The following CRIP2 variants were observed in gnomAD, a reference collection of about 807,000 sequenced individuals.
CRIP2 encodes cysteine rich protein 2, also known as cysteine-rich protein 2.
Under a neutral mutation model 31.3 loss-of-function variants are expected in CRIP2, and 31 were observed. That is an observed-to-expected ratio of 0.99 (90% CI 0.74 to 1.34). The LOEUF (loss-of-function observed/expected upper bound fraction) is 1.34, where lower values mean the gene tolerates loss of function less well. Among genes scored for constraint, CRIP2 ranks in the 40% most tolerant of loss-of-function variants. The pLI, the probability that CRIP2 is intolerant of heterozygous loss-of-function variation, is 0.00. For synonymous variants in CRIP2, 177 were observed against 127.2 expected (o/e 1.39, Z -2.63); for missense variants, 389 against 301.6 (o/e 1.29, Z -2.15).
Position 105,479,438 on chromosome 14 carries a change from C to A in CRIP2, c.504C>A (p.His168Gln). The stretch of plus-strand genomic sequence containing the variant: ...TCAGCACCCACCTTCTGCCCCAGCA[C>A]GACGGCCAGCCCTACTGCCACAAGC... ...KTLTPGGHAE[H>Q]DGQPYCHKPC... The change falls in exon 7 of 8, where the codon CAC becomes CAA. Residue 168 changes from histidine to glutamine, a missense_variant and splice_region_variant. Physicochemically the swap from His to Gln is conservative, Grantham distance 24. Coordinates refer to ENST00000329146, the MANE Select transcript of CRIP2 (RefSeq NM_001312.4). 1 of 1,612,806 alleles carries A rather than the reference C, an allele frequency of 6.2e-7. No individual in the cohort carries two copies. Among genetic ancestry groups the A allele is most frequent in the South Asian group, 1.1e-5 (1 of 91,076 alleles).
intron 1 of CRIP2, among the ~76,000 whole-genome samples, chr14:105,475,157 G>A (rs1015636585): frequency 3.2e-4 from 49 of 152,074 alleles, no homozygotes; most frequent in African/African-American, 1.1e-3. Context: ...CCACCCGGGC[G>A]GGGCTTGTGG....
At position 105,478,230 on chromosome 14, in the gene CRIP2, C is replaced by A; in HGVS notation, c.44-36C>A. ...GGGGCGGAGGGGGTGCGGGGCGCGC[C>A]CCGGCCCTGACCCCCCTGCCGCCCC... On this transcript the variant is annotated intron_variant, in intron 1 of 7. Coordinates refer to ENST00000329146, the MANE Select transcript of CRIP2 (RefSeq NM_001312.4). This position sits in a 1 kb window ranked among gnomAD's most constrained non-coding sequence, Gnocchi z 4.9. 1 of 1,471,506 alleles carries A rather than the reference C, an allele frequency of 6.8e-7. No homozygotes were observed. Among genetic ancestry groups the A allele is most frequent in the Non-Finnish European group, 9.0e-7 (1 of 1,108,456 alleles). The allele number at this position is 1,471,506 out of a possible 1,614,324, so 91.2% of individuals were successfully genotyped here.
Position 105,474,859 on chromosome 14 carries a change from G to A in CRIP2, c.-4G>A, listed in dbSNP as rs182146787. 1.5e-4 allele frequency: 218 copies of A among 1,499,318 alleles called. No homozygotes were observed. Among genetic ancestry groups the A allele is most frequent in the Non-Finnish European group, 1.9e-4 (213 of 1,121,684 alleles). 92.9% of individuals were successfully genotyped at this position (1,499,318 alleles called of 1,614,324 possible). A position where few individuals can be genotyped will look rare whatever the true frequency, so the allele number is the denominator to read the frequency against. The stretch of plus-strand genomic sequence containing the variant: ...AGGGCGCGGGCCGACCGGGCGCACC[G>A]ACCATGGCCTCCAAATGCCCCAAGT... On this transcript the variant is annotated 5_prime_UTR_variant, in exon 1 of 8. Coordinates refer to ENST00000329146, the MANE Select transcript of CRIP2 (RefSeq NM_001312.4). This position sits in a 1 kb window ranked among gnomAD's most constrained non-coding sequence, Gnocchi z 5.1.
rs782666397 is a variant in CRIP2, at chr14:105,479,121, C to G, written c.407-4C>G. 4.3e-6 allele frequency: 7 copies of G among 1,611,318 alleles called. No individual in the cohort carries two copies. The highest frequency in any genetic ancestry group is 8.5e-7 in the Non-Finnish European group (1 of 1,179,314). ...GGCTCGGCCTCACTCCTCCCCCTTT[C>G]CAGCTGAGAAGGTGACGTCTCTGGG... On this transcript the variant is annotated splice_polypyrimidine_tract_variant and splice_region_variant and intron_variant, in intron 5 of 7. Transcript: ENST00000329146.
Position 105,479,279 on chromosome 14 carries a change from G to A in CRIP2, c.501+60G>A. ...AGGGGCGCGGGGTCGGGGGGATGAG[G>A]GTGAGAGGCGCGCCTAGAGGGGATG... On this transcript the variant is annotated intron_variant, in intron 6 of 7. Coordinates refer to ENST00000329146, the MANE Select transcript of CRIP2 (RefSeq NM_001312.4). 1.1e-5 allele frequency: 17 copies of A among 1,530,320 alleles called. No individual in the cohort carries two copies. The South Asian group carries it at 2.0e-4, about 18-fold the overall frequency. The allele number at this position is 1,530,320 out of a possible 1,614,324, so 94.8% of individuals were successfully genotyped here.
In CRIP2 at chr14:105,476,787, T is replaced by TCTA. The variant is rs587704934; in HGVS notation, c.44-1478_44-1476dup. 2.3e-5 allele frequency: 23 copies of TCTA among 984,368 alleles called. 1 individual carries two copies. The East Asian group carries it at 2.5e-3, about 107-fold the overall frequency. 61.0% of individuals were successfully genotyped at this position (984,368 alleles called of 1,614,324 possible). On this transcript the variant is annotated intron_variant, in intron 1 of 7. Transcript: ENST00000329146. ...AGTGGAGTGGTTCTGGTCAGAGGGC[T>TCTA]CTAAGCTGGTGCAGCCTTGTGGTTG...
At position 105,479,007 on chromosome 14, in the gene CRIP2, G is replaced by C; in HGVS notation, c.366G>C (p.Glu122Asp). ...RASSVTTFTGEPNTCPRCSKK... is the reference protein window; with the variant it reads ...RASSVTTFTGDPNTCPRCSKK... Reference sequence around the variant, plus strand: ...CCAGTGTCACCACTTTCACCGGGGAGCCCAACACGTGCCCGCGCTGCAGCA... The same window carrying C: ...CCAGTGTCACCACTTTCACCGGGGACCCCAACACGTGCCCGCGCTGCAGCA... The change falls in exon 5 of 8, where the codon GAG (glutamate) becomes GAC (aspartate). Residue 122 changes from glutamate to aspartate, a missense_variant. Physicochemically the swap from Glu to Asp is conservative, Grantham distance 45. Coordinates refer to ENST00000329146, the MANE Select transcript of CRIP2 (RefSeq NM_001312.4). The C allele has an allele frequency of 6.3e-7, 1 of 1,583,528 alleles. No individual in the cohort carries two copies. Among genetic ancestry groups the C allele is most frequent in the Non-Finnish European group, 8.6e-7 (1 of 1,168,202 alleles).
chr14:105,477,379 A>C (rs2083955336), intron 1 of CRIP2: 2 of 985,022 alleles, frequency 2.0e-6, no homozygotes, highest in South Asian at 9.4e-5. Flanking sequence ...GTTTAGGACG[A>C]GGAATCCACA....
In CRIP2 at chr14:105,476,613, G is replaced by A. The variant is rs587608079; in HGVS notation, c.44-1653G>A. ...AGTTCCCTGCCCCCACTTGGCCCAC[G>A]TCCCAGAGCTGGCCAGAGCACAGTG... On this transcript the variant is annotated intron_variant, in intron 1 of 7. Coordinates refer to ENST00000329146, the MANE Select transcript of CRIP2 (RefSeq NM_001312.4). The A allele has an allele frequency of 4.4e-5, 43 of 985,402 alleles. No individual in the cohort carries two copies. The South Asian group carries it at 1.3e-3, about 29-fold the overall frequency. The allele number at this position is 985,402 out of a possible 1,614,324, so 61.0% of individuals were successfully genotyped here. A position where few individuals can be genotyped will look rare whatever the true frequency, so the allele number is the denominator to read the frequency against.
chr14:105,473,340 G>A (rs1555435137), upstream of CRIP2: 48 of 1,327,674 alleles, frequency 3.6e-5, no homozygotes, highest in Non-Finnish European at 4.7e-5. Flanking sequence ...GGGGGCGGGG[G>A]GCATGTTTCT....
intron 1 of CRIP2, chr14:105,476,911 G>A (rs2083943520): frequency 1.1e-5 from 4 of 359,994 alleles, no homozygotes; most frequent in South Asian, 1.1e-4. Flanking sequence ...AGGCCACCTG[G>A]GGGATCCCAT....
chr14:105,478,483 T>TA lies in CRIP2; in HGVS notation c.173dup (p.Tyr58Ter). The TA allele has an allele frequency of 6.2e-7, 1 of 1,608,944 alleles. No individual in the cohort carries two copies. Among genetic ancestry groups the TA allele is most frequent in the Non-Finnish European group, 8.5e-7 (1 of 1,179,106 alleles). Residue 58 changes from tyrosine to a stop codon, truncating the protein, a stop_gained and frameshift_variant, in exon 3 of 8, where the codon TAC (tyrosine) becomes TAAC (stop). Transcript: ENST00000329146. LOFTEE classifies it high-confidence loss of function. This position sits in a 1 kb window ranked among gnomAD's most constrained non-coding sequence, Gnocchi z 4.9. ...DGKPFCHKPCYATLFGPKGVN... is the reference protein window; with the variant it reads ...DGKPFCHKPC ...GAAGCCGTTCTGCCACAAGCCGTGC[T>TA]ACGCCACCCTGTTCGGACCCAAAGG...
Position 105,474,957 on chromosome 14 carries a change from G to A in CRIP2, c.43+52G>A, listed in dbSNP as rs1555435439. On this transcript the variant is annotated intron_variant, in intron 1 of 7. Coordinates refer to ENST00000329146, the MANE Select transcript of CRIP2 (RefSeq NM_001312.4). The surrounding 1 kb of genome is among the most constrained non-coding windows in gnomAD (Gnocchi z 5.1). ...CTCGGTGCATCCCGCCGCCCTTCGC[G>A]GCCAGTCCCGCGCCGCAGAGCCGCG... 1 of 1,458,658 alleles carries A rather than the reference G, an allele frequency of 6.9e-7. No homozygotes were observed. The highest frequency in any genetic ancestry group is 9.1e-7 in the Non-Finnish European group (1 of 1,100,964). The allele number at this position is 1,458,658 out of a possible 1,614,324, so 90.4% of individuals were successfully genotyped here. A position where few individuals can be genotyped will look rare whatever the true frequency, so the allele number is the denominator to read the frequency against.
intron 1 of CRIP2, chr14:105,476,513 G>A: frequency 1.0e-6 from 1 of 985,518 alleles, no homozygotes. Context: ...TGAGCCATTA[G>A]ACCCAATCGA....
chr14:105,478,815 C>T lies in CRIP2; in HGVS notation c.281C>T (p.Pro94Leu), dbSNP rs1555436525. The T allele has an allele frequency of 1.4e-6, 2 of 1,431,470 alleles. No homozygotes were observed. The highest frequency in any genetic ancestry group is 2.6e-5 in the East Asian group (1 of 37,974). The allele number at this position is 1,431,470 out of a possible 1,614,324, so 88.7% of individuals were successfully genotyped here. Residue 94 changes from proline (P) to leucine (L), a missense_variant, in exon 4 of 8, where the codon CCC becomes CTC. Physicochemically the swap from Pro to Leu is moderately conservative, Grantham distance 98. Coordinates refer to ENST00000329146, the MANE Select transcript of CRIP2 (RefSeq NM_001312.4). The surrounding 1 kb of genome is among the most constrained non-coding windows in gnomAD (Gnocchi z 4.9). Reference sequence around the variant, plus strand: ...CAGGTCACCGGCCCCATCGAGGTCCCCGCGGCCCGAGCAGAGGAGCGGAAG... The same window carrying T: ...CAGGTCACCGGCCCCATCGAGGTCCTCGCGGCCCGAGCAGAGGAGCGGAAG... ...GPQVTGPIEVPAARAEERKAS... is the reference protein window; with the variant it reads ...GPQVTGPIEVLAARAEERKAS...
rs1305226178 is a variant in CRIP2, at chr14:105,479,037, G to A, written c.396G>A (p.Lys132=). 2 of 1,579,094 alleles carry A rather than the reference G, an allele frequency of 1.3e-6. No homozygotes were observed. The highest frequency in any genetic ancestry group is 1.8e-5 in the Admixed American group (1 of 55,882). The part of the protein sequence containing the change: ...EPNTCPRCSK[K]VYFAEKVTSL... ...ACACGTGCCCGCGCTGCAGCAAGAA[G>A]GTGTACTTCGGTGAGTGCGCGCCCG... Residue 132 remains lysine, a synonymous_variant, in exon 5 of 8, where the codon AAG becomes AAA. Transcript: ENST00000329146.
intron 1 of CRIP2, chr14:105,476,977 G>A: frequency 5.3e-6 from 1 of 188,168 alleles, no homozygotes; most frequent in Non-Finnish European, 9.9e-6. Flanking sequence ...GCCCTAGCCA[G>A]ATGCCCCTCC....
In CRIP2 at chr14:105,477,888, GCGGGC is replaced by G. The variant is rs1567061795; in HGVS notation, c.44-377_44-373del. Among the ~76,000 whole-genome samples the G allele has an allele frequency of 4.2e-5, 2 of 47,604 alleles. 1 individual carries two copies. Among genetic ancestry groups the G allele is most frequent in the Non-Finnish European group, 1.8e-4 (2 of 11,292 alleles). The allele number at this position is 47,604 out of a possible 152,430, so 31.2% of individuals were successfully genotyped here. A position where few individuals can be genotyped will look rare whatever the true frequency, so the allele number is the denominator to read the frequency against. Reference sequence around the variant, plus strand: ...TTGGAGCGCGGGCAGGTGTTGGAGCGCGGGCAGGTGTTGGAGCGCGGGCAGGTGTT... The same window carrying G: ...TTGGAGCGCGGGCAGGTGTTGGAGCGAGGTGTTGGAGCGCGGGCAGGTGTT... On this transcript the variant is annotated intron_variant, in intron 1 of 7. Transcript: ENST00000329146.
In CRIP2 at chr14:105,479,441, C is replaced by T. The variant is rs112961323; in HGVS notation, c.507C>T (p.Asp169=). Residue 169 remains aspartate (D), a synonymous_variant, in exon 7 of 8, where the codon GAC becomes GAT. Transcript: ENST00000329146. The part of the protein sequence containing the change: ...TLTPGGHAEH[D]GQPYCHKPCY... Reference sequence around the variant, plus strand: ...GCACCCACCTTCTGCCCCAGCACGACGGCCAGCCCTACTGCCACAAGCCCT... The same window carrying T: ...GCACCCACCTTCTGCCCCAGCACGATGGCCAGCCCTACTGCCACAAGCCCT... 3.0e-4 allele frequency: 485 copies of T among 1,612,802 alleles called. 2 individuals are homozygous for T. In the African/African-American group the frequency reaches 5.8e-3, roughly 19 times the overall value.
Sources: gnomAD v4.1 joint callset for allele counts (sites outside exome capture counted in the v4.1 genomes callset) on GRCh38, gnomAD v4.1.1 for gene constraint, Gnocchi (gnomAD v3.1) non-coding constraint, MANE v1.5 for transcripts, NCBI Gene and HGNC (gene_info 2026-07-23, HGNC 2026-07-21) for gene names.